GRID2: variants seen among roughly 807,000 people sequenced by gnomAD.
GRID2 encodes the protein glutamate receptor ionotropic, delta-2.
In GRID2, 33 loss-of-function variants were observed where a neutral mutation model predicts 114.8. The observed-to-expected ratio is 0.29, with a 90% CI of 0.22 to 0.38. GRID2 has a LOEUF of 0.38. Ranked by LOEUF, GRID2 falls within the 10% of genes least tolerant of loss-of-function variation. The probability of loss-of-function intolerance (pLI) is 1.00; values close to 1 mark genes in which losing one functional copy is unlikely to be tolerated. For missense variants in GRID2, 1,184 were observed against 1,257.7 expected, an observed-to-expected ratio of 0.94 and a Z score of 0.89; for synonymous variants, 505 against 449.9, an observed-to-expected ratio of 1.12 and a Z score of -1.55.
At chr4:92,764,124 A>G (rs1180158914) in intron 2 of GRID2, among the ~76,000 whole-genome samples, 1 of 152,118 alleles carries the variant, frequency 6.6e-6, no homozygotes, top group Non-Finnish European at 1.5e-5. Flanking sequence ...TCCATAATCT[A>G]ACCTTTTCTT....
At chr4:93,480,455 C>T (rs1367755588) in intron 11 of GRID2, among the ~76,000 whole-genome samples, 2 of 151,904 alleles carry the variant, frequency 1.3e-5, no homozygotes, top group Non-Finnish European at 2.9e-5. Flanking sequence ...CAAGAAGCAC[C>T]TTAATGGTTT....
intron 2 of GRID2, among the ~76,000 whole-genome samples, chr4:93,047,548 C>T (rs1281239657): frequency 6.6e-6 from 1 of 151,800 alleles, no homozygotes; most frequent in Non-Finnish European, 1.5e-5. Flanking sequence ...TGTATTCTTA[C>T]AAGAAACTGG....
At chr4:92,550,494 T>TA (rs1264951032) in intron 1 of GRID2, among the ~76,000 whole-genome samples, 1 of 152,166 alleles carries the variant, frequency 6.6e-6, no homozygotes, top group Non-Finnish European at 1.5e-5. Context: ...ACCCATTTTT[T>TA]AAAAAAGTAT....
chr4:93,793,202 A>G (rs1183057127), intron 1 of GRID2, among the ~76,000 whole-genome samples: 4 of 152,206 alleles, frequency 2.6e-5, no homozygotes, highest in Non-Finnish European at 5.9e-5. Context: ...ACCAAGGACT[A>G]AGCATTCAGT....
intron 8 of GRID2, among the ~76,000 whole-genome samples, chr4:93,239,583 A>T (rs1747243064): frequency 6.6e-6 from 1 of 151,604 alleles, no homozygotes; most frequent in Non-Finnish European, 1.5e-5. Context: ...ATATGGATGA[A>T]ACTATCTTGA....
At chr4:92,891,802 A>G (rs1746803519) in intron 2 of GRID2, among the ~76,000 whole-genome samples, 1 of 152,184 alleles carries the variant, frequency 6.6e-6, no homozygotes, top group Non-Finnish European at 1.5e-5. Flanking sequence ...TTATTGAGTC[A>G]CACTTGCACA....
chr4:93,418,646 G>T (rs967017159), intron 9 of GRID2, among the ~76,000 whole-genome samples: 4 of 151,900 alleles, frequency 2.6e-5, no homozygotes, highest in African/African-American at 9.7e-5. Context: ...AGTAACTTAG[G>T]TTTCTACCAT....
At chr4:93,364,424 A>T (rs1455719689) in intron 8 of GRID2, among the ~76,000 whole-genome samples, 1 of 152,054 alleles carries the variant, frequency 6.6e-6, no homozygotes, top group African/African-American at 2.4e-5. Context: ...TTGAGTATTG[A>T]ATCTATTTTC....
intron 13 of GRID2, among the ~76,000 whole-genome samples, chr4:93,623,956 A>G (rs1190268373): frequency 6.6e-6 from 1 of 152,122 alleles, no homozygotes; most frequent in Non-Finnish European, 1.5e-5. Flanking sequence ...GGAAAATTTA[A>G]ATGTCTTTTG....
chr4:92,645,813 T>A (rs1287389708), intron 2 of GRID2, among the ~76,000 whole-genome samples: 2 of 151,826 alleles, frequency 1.3e-5, no homozygotes, highest in East Asian at 3.9e-4. Flanking sequence ...TTTCATCAAA[T>A]TATTTCCCCG....
At chr4:92,848,461 G>C (rs1229580423) in intron 2 of GRID2, among the ~76,000 whole-genome samples, 1 of 151,798 alleles carries the variant, frequency 6.6e-6, no homozygotes, top group African/African-American at 2.4e-5. Flanking sequence ...GCTAAAGAAA[G>C]GCTTTCTCTA....
chr4:92,830,806 A>G (rs2149398524), intron 2 of GRID2, among the ~76,000 whole-genome samples: 1 of 152,332 alleles, frequency 6.6e-6, no homozygotes, highest in Non-Finnish European at 1.5e-5. Flanking sequence ...TACAGTCTTC[A>G]TCACTTTAAG....
intron 1 of GRID2, among the ~76,000 whole-genome samples, chr4:92,490,158 A>T (rs148129577): frequency 1.3e-5 from 2 of 152,234 alleles, no homozygotes; most frequent in African/African-American, 4.8e-5. Flanking sequence ...TATCATTAAA[A>T]CTTTTTGGCT....
intron 9 of GRID2, among the ~76,000 whole-genome samples, chr4:93,418,689 A>G (rs998465110): frequency 1.3e-5 from 2 of 152,086 alleles, no homozygotes; most frequent in African/African-American, 4.8e-5. Flanking sequence ...AATTACTTTT[A>G]CACTAATCTA....
chr4:93,731,213 C>T (rs936984945), intron 14 of GRID2, among the ~76,000 whole-genome samples: 15 of 152,064 alleles, frequency 9.9e-5, no homozygotes, highest in Admixed American at 2.0e-4. Context: ...CAGGTTGAGG[C>T]GCAGGGGCAC....
intron 2 of GRID2, among the ~76,000 whole-genome samples, chr4:92,852,171 T>C (rs1743861661): frequency 6.6e-6 from 1 of 151,816 alleles, no homozygotes; most frequent in African/African-American, 2.4e-5. Flanking sequence ...GAGGGGGGTG[T>C]ATTTGTGGCA....
chr4:93,295,372 G>A (rs1319655414), intron 8 of GRID2, among the ~76,000 whole-genome samples: 2 of 152,190 alleles, frequency 1.3e-5, no homozygotes, highest in African/African-American at 4.8e-5. Flanking sequence ...GTAAAGCCAG[G>A]AAAGTGTGAT....
intron 1 of GRID2, among the ~76,000 whole-genome samples, chr4:92,312,057 A>G (rs1289542023): frequency 1.3e-5 from 2 of 151,870 alleles, no homozygotes; most frequent in Admixed American, 1.3e-4. Context: ...TGGATATCTG[A>G]TGAAGAATAA....
At chr4:92,638,635 A>G (rs920230817) in intron 2 of GRID2, among the ~76,000 whole-genome samples, 11 of 150,254 alleles carry the variant, frequency 7.3e-5, no homozygotes, top group African/African-American at 2.4e-4. Flanking sequence ...ATAAATAGGG[A>G]AATAAGAGTG....
Sources: gnomAD v4.1 joint callset for allele counts (sites outside exome capture counted in the v4.1 genomes callset) on GRCh38, gnomAD v4.1.1 for gene constraint, MANE v1.5 for transcripts, NCBI Gene and HGNC (gene_info 2026-07-23, HGNC 2026-07-21) for gene names.